DPP10: variants seen among roughly 807,000 people sequenced by gnomAD.
DPP10 encodes the protein dipeptidyl peptidase like 10, also known as inactive dipeptidyl peptidase 10.
DPP10 carries 33 observed loss-of-function variants against 120.9 expected under a neutral mutation model. The observed-to-expected ratio is 0.27, with a 90% CI of 0.21 to 0.37. The LOEUF (loss-of-function observed/expected upper bound fraction) is 0.37. Ranked by LOEUF, DPP10 falls within the 10% of genes least tolerant of loss-of-function variation. DPP10 has a pLI of 1.00. For synonymous variants in DPP10, 337 were observed against 326.1 expected (o/e 1.03, Z -0.36); for missense variants, 816 against 942.8 (o/e 0.87, Z 1.76).
At chr2:114,874,932 G>T (rs1259962201) in intron 1 of DPP10, among the ~76,000 whole-genome samples, 2 of 152,128 alleles carry the variant, frequency 1.3e-5, no homozygotes, top group Non-Finnish European at 2.9e-5. Context: ...GAGAAGGCAA[G>T]TGGTTTCTTT....
chr2:114,468,461 T>C (rs930402017), intron 1 of DPP10, among the ~76,000 whole-genome samples: 4 of 144,160 alleles, frequency 2.8e-5, no homozygotes, highest in African/African-American at 1.0e-4. Flanking sequence ...CACTTACAAA[T>C]GGCAAGCGAT....
intron 1 of DPP10, among the ~76,000 whole-genome samples, chr2:114,607,702 G>A (rs1251809603): frequency 6.6e-6 from 1 of 152,132 alleles, no homozygotes; most frequent in African/African-American, 2.4e-5. Context: ...AAACCTGAGA[G>A]GGAAACACCT....
intron 5 of DPP10, among the ~76,000 whole-genome samples, chr2:115,631,666 T>C (rs1483853955): frequency 1.3e-5 from 2 of 152,152 alleles, no homozygotes; most frequent in African/African-American, 2.4e-5. Flanking sequence ...ATTTCATTAT[T>C]TACCCAGGAG....
intron 2 of DPP10, among the ~76,000 whole-genome samples, chr2:115,327,248 G>T (rs946318421): frequency 6.6e-6 from 1 of 151,984 alleles, no homozygotes; most frequent in Non-Finnish European, 1.5e-5. Context: ...TTTAGCATCT[G>T]GGTTTGTGTA....
chr2:115,479,439 C>T (rs773807806), intron 3 of DPP10, among the ~76,000 whole-genome samples: 1 of 152,032 alleles, frequency 6.6e-6, no homozygotes, highest in Non-Finnish European at 1.5e-5. Flanking sequence ...TTAATGCGTA[C>T]AGATTTTCAG....
At position 115,450,013 on chromosome 2, in the gene DPP10, T is replaced by C. The variant is rs1232091964; in HGVS notation, c.272-49497T>C. On this transcript the variant is annotated intron_variant, in intron 3 of 25. Coordinates refer to ENST00000410059, the MANE Select transcript of DPP10 (RefSeq NM_020868.6). ...TTCATCAGCAGAACAAAGGCATAAA[T>C]TGAGGCCTCTTGAATCCCAATCCTT... Among the ~76,000 whole-genome samples, 5 of 152,004 alleles carry C rather than the reference T, an allele frequency of 3.3e-5. No homozygotes were observed. The East Asian group carries it at 7.7e-4, about 23-fold the overall frequency.
At chr2:114,570,988 T>G (rs1375502860) in intron 1 of DPP10, among the ~76,000 whole-genome samples, 3 of 152,048 alleles carry the variant, frequency 2.0e-5, no homozygotes, top group African/African-American at 7.2e-5. Context: ...TATTGTAAAC[T>G]GGTGGTTCTG....
chr2:115,625,356 T>A (rs2085278482), intron 5 of DPP10, among the ~76,000 whole-genome samples: 1 of 152,254 alleles, frequency 6.6e-6, no homozygotes, highest in South Asian at 2.1e-4. Context: ...GCTAAGGAGA[T>A]ACTTCTGACA....
chr2:114,454,205 T>A (rs1452742811), intron 1 of DPP10, among the ~76,000 whole-genome samples: 1 of 152,076 alleles, frequency 6.6e-6, no homozygotes, highest in Non-Finnish European at 1.5e-5. Context: ...AATGGTGCTA[T>A]ATGTGAAAGT....
At chr2:114,568,575 C>G (rs979235706) in intron 1 of DPP10, among the ~76,000 whole-genome samples, 6 of 152,180 alleles carry the variant, frequency 3.9e-5, no homozygotes, top group Non-Finnish European at 8.8e-5. Flanking sequence ...GCCTCAATCC[C>G]GAGCCTCTGT....
At chr2:115,778,886 G>A (rs979691801) in intron 15 of DPP10, among the ~76,000 whole-genome samples, 3 of 152,046 alleles carry the variant, frequency 2.0e-5, no homozygotes, top group Non-Finnish European at 4.4e-5. Flanking sequence ...AGGAAGCAAA[G>A]CTATTCATAT....
chr2:115,344,370 A>G (rs2063608619), intron 3 of DPP10, among the ~76,000 whole-genome samples: 1 of 152,126 alleles, frequency 6.6e-6, no homozygotes, highest in Non-Finnish European at 1.5e-5. Context: ...TCTCTAGCAC[A>G]TCACTAGATA....
chr2:115,660,655 C>CTTTTTTTTTTTTTTTTTTTTTTTTTTT lies in DPP10; in HGVS notation c.442-29008_442-29007insTTTTTTTTTTTTTTTTTTTTTTTTTTT. ...CCTTCCTTTCATTCTCTCTGTCTGGCTTTTTTTTTTTTTTTTTTTTTTTTG... is the reference window on the plus strand; with the variant it reads ...CCTTCCTTTCATTCTCTCTGTCTGGCTTTTTTTTTTTTTTTTTTTTTTTTTTTTTTTTTTTTTTTTTTTTTTTTTTTG... On this transcript the variant is annotated intron_variant, in intron 5 of 25. Coordinates refer to ENST00000410059, the MANE Select transcript of DPP10 (RefSeq NM_020868.6). Among the ~76,000 whole-genome samples, 63 of 25,320 alleles carry CTTTTTTTTTTTTTTTTTTTTTTTTTTT rather than the reference C, an allele frequency of 2.5e-3. 1 individual carries two copies. Among genetic ancestry groups the CTTTTTTTTTTTTTTTTTTTTTTTTTTT allele is most frequent in the Admixed American group, 3.5e-3 (4 of 1,146 alleles). 16.6% of individuals were successfully genotyped at this position (25,320 alleles called of 152,430 possible).
chr2:114,556,424 G>C (rs1156916005), intron 1 of DPP10, among the ~76,000 whole-genome samples: 1 of 151,910 alleles, frequency 6.6e-6, no homozygotes, highest in East Asian at 1.9e-4. Context: ...GGCCTGAAGA[G>C]TTGGGTGAAT....
At chr2:115,190,638 C>T (rs1270347556) in intron 1 of DPP10, among the ~76,000 whole-genome samples, 2 of 152,142 alleles carry the variant, frequency 1.3e-5, no homozygotes, top group African/African-American at 4.8e-5. Flanking sequence ...GGGGGCTGAC[C>T]CACAGGGTTC....
At chr2:115,023,162 A>G (rs950192208) in intron 1 of DPP10, among the ~76,000 whole-genome samples, 1 of 152,182 alleles carries the variant, frequency 6.6e-6, no homozygotes, top group Non-Finnish European at 1.5e-5. Flanking sequence ...GACTTAATTG[A>G]CTAAAAACCT....
intron 1 of DPP10, among the ~76,000 whole-genome samples, chr2:114,836,745 A>G (rs1211775623): frequency 6.6e-6 from 1 of 152,164 alleles, no homozygotes; most frequent in Non-Finnish European, 1.5e-5. Flanking sequence ...TGTGAGCACT[A>G]TGGGAGACTG....
At chr2:114,539,656 G>A (rs947095198) in intron 1 of DPP10, among the ~76,000 whole-genome samples, 4 of 152,212 alleles carry the variant, frequency 2.6e-5, no homozygotes, top group African/African-American at 7.2e-5. Context: ...TGCACGTAGA[G>A]AGCATGGGTA....
In DPP10 at chr2:114,676,812, G is replaced by A. The variant is rs113485081; in HGVS notation, c.60+233974G>A. ...GTATTCTTTCCCGCAAGACTAGATC[G>A]TGTAGGATAGATTCTTCTCTGGAAA... is the stretch of plus-strand genomic sequence containing the variant. On this transcript the variant is annotated intron_variant, in intron 1 of 25. Coordinates refer to ENST00000410059, the MANE Select transcript of DPP10 (RefSeq NM_020868.6). 1.7e-4 allele frequency among the ~76,000 whole-genome samples: 26 copies of A among 152,110 alleles called. No homozygotes were observed. In the East Asian group the frequency reaches 4.4e-3, roughly 26 times the overall value.
Sources: allele counts gnomAD v4.1 joint callset (sites outside exome capture counted in the v4.1 genomes callset), GRCh38; gene constraint gnomAD v4.1.1; transcripts MANE v1.5; gene names NCBI Gene and HGNC (gene_info 2026-07-23, HGNC 2026-07-21).